The following TSPAN9 variants were observed in gnomAD, a reference collection of about 807,000 sequenced individuals.
The protein encoded by TSPAN9 is tetraspanin 9, also known as tetraspanin-9.
TSPAN9 carries 16 observed loss-of-function variants against 31.0 expected under a neutral mutation model. That is an observed-to-expected ratio of 0.52 (90% CI 0.35 to 0.78). TSPAN9 has a LOEUF of 0.78. TSPAN9 is among the 30% of genes least tolerant of loss of function. The probability of loss-of-function intolerance (pLI) is 0.01; values close to 1 mark genes in which losing one functional copy is unlikely to be tolerated. For synonymous variants in TSPAN9, 145 were observed against 121.6 expected (o/e 1.19, Z -1.27); for missense variants, 272 against 312.5 (o/e 0.87, Z 0.98).
At chr12:3,178,516 C>T (rs1052924694) in intron 2 of TSPAN9, among the ~76,000 whole-genome samples, 1 of 152,132 alleles carries the variant, frequency 6.6e-6, no homozygotes, top group Non-Finnish European at 1.5e-5. Flanking sequence ...GTCTTGAACT[C>T]CTGACCTAAG....
chr12:3,188,806 G>A (rs76589216), intron 2 of TSPAN9, among the ~76,000 whole-genome samples: 1,556 of 152,258 alleles, frequency 0.01, 26 homozygotes, highest in African/African-American at 0.035. Context: ...GACTCATGGT[G>A]GTGATCTATC....
intron 1 of TSPAN9, among the ~76,000 whole-genome samples, chr12:3,082,447 C>G (rs964695660): frequency 6.6e-6 from 1 of 152,176 alleles, no homozygotes; most frequent in Non-Finnish European, 1.5e-5. Flanking sequence ...TTCATTCTTC[C>G]AAGAGAACTT....
intron 8 of TSPAN9, 147 bp downstream of exon 8, chr12:3,281,964 C>A: frequency 1.1e-6 from 1 of 904,726 alleles, no homozygotes; most frequent in Non-Finnish European, 1.8e-6. Context: ...CTGTGCCTGC[C>A]ACCGTTTCCG....
chr12:3,182,624 C>T (rs984547994), intron 2 of TSPAN9, among the ~76,000 whole-genome samples: 6 of 152,208 alleles, frequency 3.9e-5, no homozygotes, highest in African/African-American at 1.4e-4. Context: ...ACAACTGGCA[C>T]CCCATTCTCT....
intron 2 of TSPAN9, among the ~76,000 whole-genome samples, chr12:3,089,580 C>T (rs2098303101): frequency 6.6e-6 from 1 of 151,948 alleles, no homozygotes; most frequent in African/African-American, 2.4e-5. Flanking sequence ...CAGGTGTGAG[C>T]CACTGCGCCT....
intron 2 of TSPAN9, among the ~76,000 whole-genome samples, chr12:3,099,988 C>A (rs2098311080): frequency 6.6e-6 from 1 of 152,038 alleles, no homozygotes; most frequent in South Asian, 2.1e-4. Context: ...ACTACAGGTG[C>A]CTGCCACCAT....
At chr12:3,193,916 C>T (rs771019136) in intron 2 of TSPAN9, among the ~76,000 whole-genome samples, 12 of 152,202 alleles carry the variant, frequency 7.9e-5, no homozygotes, top group African/African-American at 1.4e-4. Flanking sequence ...GTGAGTGAGA[C>T]AGCTGACCGC....
At chr12:3,199,906 G>A (rs1398395435) in intron 2 of TSPAN9, 3 of 152,434 alleles carry the variant, frequency 2.0e-5, no homozygotes, top group Non-Finnish European at 4.4e-5. Context: ...CTATCCGGGA[G>A]ACCGCGTGCC....
chr12:3,250,067 G>A (rs573211222), intron 3 of TSPAN9, among the ~76,000 whole-genome samples: 2 of 152,274 alleles, frequency 1.3e-5, no homozygotes, highest in African/African-American at 4.8e-5. Flanking sequence ...TGGATGGTGG[G>A]TGGGGTGGGA....
At chr12:3,077,948 C>T (rs1199517412) in intron 1 of TSPAN9, among the ~76,000 whole-genome samples, 4 of 152,190 alleles carry the variant, frequency 2.6e-5, no homozygotes, top group Non-Finnish European at 4.4e-5. Context: ...GACTCTGGCA[C>T]ATCCCGAAGT....
At chr12:3,081,783 TAGTG>T (rs1002688269) in intron 1 of TSPAN9, among the ~76,000 whole-genome samples, 16 of 149,782 alleles carry the variant, frequency 1.1e-4, no homozygotes, top group Non-Finnish European at 1.5e-4. Flanking sequence ...CTGGGCAACA[TAGTG>T]AGGCCTCTGT....
intron 3 of TSPAN9, among the ~76,000 whole-genome samples, chr12:3,231,218 G>T (rs2098390589): frequency 1.3e-5 from 2 of 152,186 alleles, no homozygotes; most frequent in Non-Finnish European, 2.9e-5. Flanking sequence ...AAATGAGAGA[G>T]GCAGGGGAGA....
At chr12:3,215,997 G>A (rs751621503) in intron 3 of TSPAN9, among the ~76,000 whole-genome samples, 3 of 152,192 alleles carry the variant, frequency 2.0e-5, no homozygotes, top group African/African-American at 4.8e-5. Flanking sequence ...GAATCACAGG[G>A]ACACGGCTCC....
intron 2 of TSPAN9, among the ~76,000 whole-genome samples, chr12:3,166,856 G>A (rs1272028269): frequency 2.0e-5 from 3 of 152,152 alleles, no homozygotes; most frequent in Admixed American, 2.0e-4. Context: ...GAATGTGGTG[G>A]CGCGATCTCG....
At chr12:3,253,495 G>A (rs1591707461) in intron 3 of TSPAN9, among the ~76,000 whole-genome samples, 1 of 152,240 alleles carries the variant, frequency 6.6e-6, no homozygotes, top group Admixed American at 6.5e-5. Flanking sequence ...GATGCAGTGA[G>A]ATAGTTGGTG....
intron 2 of TSPAN9, among the ~76,000 whole-genome samples, chr12:3,138,405 A>C (rs954335163): frequency 7.2e-5 from 11 of 152,038 alleles, no homozygotes; most frequent in Admixed American, 5.2e-4. Context: ...GGATGGGAAG[A>C]GGCCCCAGTG....
intron 3 of TSPAN9, among the ~76,000 whole-genome samples, chr12:3,234,692 C>T (rs1028338884): frequency 1.3e-5 from 2 of 152,160 alleles, no homozygotes; most frequent in Non-Finnish European, 1.5e-5. Flanking sequence ...GTGCTGCTCT[C>T]AGCACTCATT....
chr12:3,197,382 AC>A (rs2098367576), intron 2 of TSPAN9, among the ~76,000 whole-genome samples: 1 of 152,222 alleles, frequency 6.6e-6, no homozygotes, highest in Admixed American at 6.5e-5. Flanking sequence ...TCAGGAGGCG[AC>A]TAGACATCTG....
rs2098341749 is a variant in TSPAN9 at position 3,155,453 on chromosome 12, G to A, written c.-17-45724G>A. ...TGTTAGAAGAGACCATATCTTCCAGGCCTGGTGTGGTGGTGCGCACCTGTA... is the reference window on the plus strand; with the variant it reads ...TGTTAGAAGAGACCATATCTTCCAGACCTGGTGTGGTGGTGCGCACCTGTA... On this transcript the variant is annotated intron_variant, in intron 2 of 8. Coordinates refer to ENST00000011898, the MANE Select transcript of TSPAN9 (RefSeq NM_006675.5). Among the ~76,000 whole-genome samples the A allele has an allele frequency of 2.0e-5, 3 of 152,166 alleles. No homozygotes were observed. In the South Asian group the frequency reaches 6.2e-4, roughly 32 times the overall value.
Sources: allele counts gnomAD v4.1 joint callset (sites outside exome capture counted in the v4.1 genomes callset), GRCh38; gene constraint gnomAD v4.1.1; transcripts MANE v1.5; gene names NCBI Gene and HGNC (gene_info 2026-07-23, HGNC 2026-07-21).